Variants in RNF130 observed in about 807,000 individuals in gnomAD.
The protein encoded by RNF130 is E3 ubiquitin-protein ligase RNF130.
RNF130 carries 21 observed loss-of-function variants against 44.6 expected under a neutral mutation model. That is an observed-to-expected ratio of 0.47 (90% CI 0.33 to 0.68). RNF130 has a LOEUF of 0.68. RNF130 is among the 30% of genes least tolerant of loss of function. RNF130 has a pLI of 0.02. For missense variants in RNF130, 479 were observed against 560.6 expected, an observed-to-expected ratio of 0.85 and a Z score of 1.47; for synonymous variants, 214 against 210.4, an observed-to-expected ratio of 1.02 and a Z score of -0.15.
In RNF130 at chr5:179,966,789, C is replaced by T. The variant is rs1474695137; in HGVS notation, c.1150+17G>A. The T allele has an allele frequency of 6.8e-6, 11 of 1,607,096 alleles. No homozygotes were observed. The highest frequency in any genetic ancestry group is 3.3e-5 in the South Asian group (3 of 89,978). ...GGCAGCCACATGCCCTGTGCCTGAG[C>T]GGAGGCCCCCACTTACTTGTTACTG... On this transcript the variant is annotated intron_variant, in intron 7 of 8. Coordinates refer to ENST00000521389, the MANE Select transcript of RNF130 (RefSeq NM_018434.6).
chr5:179,916,700 A>C (rs988032028), exon 8 of RNF130: 5 of 152,306 alleles, frequency 3.3e-5, no homozygotes, highest in African/African-American at 1.2e-4. Flanking sequence ...CAGGGTTGTG[A>C]GGAGTTTTTA....
intron 7 of RNF130, among the ~76,000 whole-genome samples, chr5:179,928,489 G>A (rs1400197058): frequency 2.0e-5 from 3 of 152,038 alleles, no homozygotes; most frequent in African/African-American, 4.8e-5. Flanking sequence ...TATCTGGTTC[G>A]CTCTGAAATG....
At chr5:180,056,017 G>A (rs891448903) in intron 1 of RNF130, among the ~76,000 whole-genome samples, 3 of 152,114 alleles carry the variant, frequency 2.0e-5, no homozygotes, top group Non-Finnish European at 4.4e-5. Context: ...CCGGGAGGCA[G>A]AGGTTGCAGT....
rs899059211 is a variant in RNF130, at chr5:179,984,348, C to T, written c.694-4148G>A. Among the ~76,000 whole-genome samples the T allele has an allele frequency of 2.6e-5, 4 of 152,210 alleles. No individual in the cohort carries two copies. In the South Asian group the frequency reaches 6.2e-4, roughly 24 times the overall value. ...AGAAGTGATCAGAGGACACATTCTT[C>T]TCTTGTTCCTAATGTTAGAAAAAAG... On this transcript the variant is annotated intron_variant, in intron 3 of 8. Transcript: ENST00000521389.
At position 180,013,285 on chromosome 5, in the gene RNF130, T is replaced by C. The variant is rs757896535; in HGVS notation, c.469A>G (p.Ile157Val). 4 of 1,612,774 alleles carry C rather than the reference T, an allele frequency of 2.5e-6. No individual in the cohort carries two copies. The Admixed American group carries it at 5.0e-5, about 20-fold the overall frequency. Reference protein sequence around the residue: ...PGTGDIIAVMITELRGKDILS... With the variant: ...PGTGDIIAVMVTELRGKDILS... ...ATATCCTTACCCCTCAATTCTGTTATCATGACAGCAATAATATCTCCAGTG... is the reference window on the plus strand; with the variant it reads ...ATATCCTTACCCCTCAATTCTGTTACCATGACAGCAATAATATCTCCAGTG... Residue 157 changes from isoleucine to valine, a missense_variant, in exon 3 of 9, where the codon ATA becomes GTA. Around this residue, in one of 3 missense-constraint regions of RNF130, gnomAD observed 180 missense variants for 275.1 expected, o/e 0.65. Coordinates refer to ENST00000521389, the MANE Select transcript of RNF130 (RefSeq NM_018434.6).
intron 3 of RNF130, among the ~76,000 whole-genome samples, chr5:179,997,462 T>A (rs1318829791): frequency 2.0e-5 from 3 of 152,180 alleles, no homozygotes; most frequent in African/African-American, 7.2e-5. Context: ...TAGCTGGGAC[T>A]ACAGACTCCC....
intron 1 of RNF130, among the ~76,000 whole-genome samples, chr5:180,059,912 A>T (rs1764933733): frequency 6.6e-6 from 1 of 152,146 alleles, no homozygotes; most frequent in Non-Finnish European, 1.5e-5. Context: ...GCAAGGGGGA[A>T]CTAGGTTGCA....
chr5:179,989,060 G>T (rs533120369), intron 3 of RNF130, among the ~76,000 whole-genome samples: 1 of 152,148 alleles, frequency 6.6e-6, no homozygotes, highest in Non-Finnish European at 1.5e-5. Flanking sequence ...ACTCAGTTCC[G>T]CATGGCTAAG....
rs143790668 is a variant in RNF130, at chr5:180,048,408, A to G, written c.248-7761T>C. On this transcript the variant is annotated intron_variant, in intron 1 of 8. Transcript: ENST00000521389. ...GGCTACAGGATTAACCTCCGAATCT[A>G]GGCAATTTCTGCTTGACTCACATAG... is the stretch of plus-strand genomic sequence containing the variant. Among the ~76,000 whole-genome samples the G allele has an allele frequency of 6.2e-3, 937 of 152,276 alleles. 12 individuals are homozygous for G. Among genetic ancestry groups the G allele is most frequent in the African/African-American group, 0.021 (866 of 41,542 alleles).
chr5:180,057,281 G>A (rs578228794), intron 1 of RNF130, among the ~76,000 whole-genome samples: 55 of 152,360 alleles, frequency 3.6e-4, no homozygotes, highest in Admixed American at 1.8e-3. Flanking sequence ...GGGCACAGTG[G>A]CTCACGCCTG....
intron 2 of RNF130, among the ~76,000 whole-genome samples, chr5:180,038,447 A>G (rs1450128450): frequency 1.3e-5 from 2 of 149,948 alleles, no homozygotes; most frequent in Admixed American, 1.3e-4. Context: ...AGTATTTCCC[A>G]AAGTGCTTGG....
intron 2 of RNF130, among the ~76,000 whole-genome samples, chr5:180,014,858 T>C (rs1482185991): frequency 6.6e-6 from 1 of 152,092 alleles, no homozygotes; most frequent in Non-Finnish European, 1.5e-5. Context: ...TGGTGGCACA[T>C]GTCTGTGGTC....
intron 3 of RNF130, among the ~76,000 whole-genome samples, chr5:180,002,396 G>C (rs561694694): frequency 2.2e-3 from 340 of 152,312 alleles, no homozygotes; most frequent in African/African-American, 7.9e-3. Flanking sequence ...CTTAGCCTTA[G>C]GGACAAAGGG....
intron 8 of RNF130, 41 bp downstream of exon 8, chr5:179,963,430 A>G (rs763373727): frequency 3.4e-6 from 5 of 1,485,106 alleles, no homozygotes; most frequent in Non-Finnish European, 4.7e-6. Flanking sequence ...TTTTCCTGGG[A>G]TCATCTGGCA....
chr5:180,058,949 AAC>A (rs1764905644), intron 1 of RNF130, among the ~76,000 whole-genome samples: 1 of 152,188 alleles, frequency 6.6e-6, no homozygotes, highest in Non-Finnish European at 1.5e-5. Flanking sequence ...ACCATGACTT[AAC>A]AGTTAGATGG....
At chr5:180,053,026 C>T (rs558653020) in intron 1 of RNF130, among the ~76,000 whole-genome samples, 6 of 152,290 alleles carry the variant, frequency 3.9e-5, no homozygotes, top group Non-Finnish European at 7.3e-5. Context: ...AGATAATGTA[C>T]GTCCTTCAAG....
chr5:179,990,838 G>C (rs1763066391), intron 3 of RNF130, among the ~76,000 whole-genome samples: 1 of 152,116 alleles, frequency 6.6e-6, no homozygotes, highest in East Asian at 1.9e-4. Context: ...GGTTATAATT[G>C]TAGAGTAAGG....
chr5:180,026,352 T>C (rs978897345), intron 2 of RNF130, among the ~76,000 whole-genome samples: 2 of 152,220 alleles, frequency 1.3e-5, no homozygotes, highest in Admixed American at 6.5e-5. Context: ...GTAAAGTCTA[T>C]ATAAATCTTT....
At chr5:179,951,844 C>A (rs1210119573), downstream of RNF130, among the ~76,000 whole-genome samples, 2 of 151,910 alleles carry the variant, frequency 1.3e-5, no homozygotes. Context: ...GAAGAAATAA[C>A]AGGGGGAAAC....
Sources: gnomAD v4.1 joint callset for allele counts (sites outside exome capture counted in the v4.1 genomes callset) on GRCh38, gnomAD v4.1.1 for gene constraint, gnomAD v4.1.1 regional missense constraint, MANE v1.5 for transcripts, NCBI Gene and HGNC (gene_info 2026-07-23, HGNC 2026-07-21) for gene names.